The following DRC8 variants were observed in gnomAD, a reference collection of about 807,000 sequenced individuals.
DRC8 encodes dynein regulatory complex protein 8.
At chr1:245,016,525 T>C in the DRC8 span, among the ~76,000 whole-genome samples, 1 of 152,134 alleles carries the variant, frequency 6.6e-6, no homozygotes, top group Admixed American at 6.6e-5. Flanking sequence ...GTTTATTCCT[T>C]CCTCTATTTC....
At chr1:244,992,897 G>A in the DRC8 span, among the ~76,000 whole-genome samples, 2 of 152,142 alleles carry the variant, frequency 1.3e-5, no homozygotes, top group African/African-American at 4.8e-5. Flanking sequence ...AGCTTTACTG[G>A]GTGATTGTGC....
chr1:244,970,000 C>A, the DRC8 span: 4 of 539,406 alleles, frequency 7.4e-6, no homozygotes, highest in Non-Finnish European at 9.8e-6. Context: ...CAACAAAAAT[C>A]GAGCAACGCC....
the DRC8 span, among the ~76,000 whole-genome samples, chr1:245,097,313 G>A: frequency 6.6e-6 from 1 of 152,170 alleles, no homozygotes; most frequent in Admixed American, 6.5e-5. The surrounding 1 kb of genome is among the most constrained non-coding windows in gnomAD (Gnocchi z 5.0). Context: ...TTGAGGTCAG[G>A]AGTTCGAGAC....
chr1:245,017,619 A>G, the DRC8 span, among the ~76,000 whole-genome samples: 1 of 152,240 alleles, frequency 6.6e-6, no homozygotes, highest in Non-Finnish European at 1.5e-5. Context: ...TGCTTGGCAC[A>G]TAGTTGGTAC....
the DRC8 span, among the ~76,000 whole-genome samples, chr1:245,064,183 C>G: frequency 6.6e-6 from 1 of 152,208 alleles, no homozygotes; most frequent in Non-Finnish European, 1.5e-5. Context: ...TCTAAACTCA[C>G]TAGGGCCTAC....
chr1:245,050,477 G>A, the DRC8 span, among the ~76,000 whole-genome samples: 2 of 152,098 alleles, frequency 1.3e-5, no homozygotes, highest in Admixed American at 6.5e-5. Flanking sequence ...TGCTGAGGGG[G>A]TCACTGCTTG....
chr1:245,011,257 G>T, the DRC8 span, among the ~76,000 whole-genome samples: 1 of 152,152 alleles, frequency 6.6e-6, no homozygotes, highest in Non-Finnish European at 1.5e-5. Flanking sequence ...ATGAGGACAA[G>T]CTGGTTGTTT....
chr1:244,995,747 T>C, the DRC8 span, among the ~76,000 whole-genome samples: 1 of 152,246 alleles, frequency 6.6e-6, no homozygotes, highest in South Asian at 2.1e-4. Context: ...GTTTATTTTC[T>C]ACTTTCCATG....
At chr1:245,033,773 G>A in the DRC8 span, among the ~76,000 whole-genome samples, 2 of 151,646 alleles carry the variant, frequency 1.3e-5, no homozygotes, top group African/African-American at 2.4e-5. Flanking sequence ...CCAGGCTGGA[G>A]TGCAGTGGCG....
the DRC8 span, chr1:245,125,112 G>A: frequency 6.6e-6 from 1 of 152,214 alleles, no homozygotes; most frequent in African/African-American, 2.4e-5. Flanking sequence ...TGCCATGTTT[G>A]CTTATCCCTT....
At chr1:245,077,000 C>G in the DRC8 span, among the ~76,000 whole-genome samples, 57 of 152,290 alleles carry the variant, frequency 3.7e-4, no homozygotes, top group African/African-American at 1.3e-3. Context: ...GCTGGGATTA[C>G]AGGCGTGAAA....
chr1:245,068,155 G>A, the DRC8 span, among the ~76,000 whole-genome samples: 3 of 152,160 alleles, frequency 2.0e-5, no homozygotes, highest in East Asian at 1.9e-4. Context: ...GCGGGAAAAC[G>A]TGACCCAGGG....
the DRC8 span, among the ~76,000 whole-genome samples, chr1:245,050,321 A>G: frequency 1.3e-5 from 2 of 151,664 alleles, no homozygotes; most frequent in Non-Finnish European, 2.9e-5. Flanking sequence ...GCTGGTCTCG[A>G]ACTCCTGACC....
At chr1:245,083,410 C>T in the DRC8 span, 2,143 of 1,588,608 alleles carry the variant, frequency 1.3e-3, 23 homozygotes, top group African/African-American at 0.023. Flanking sequence ...GTAAATACCA[C>T]GGCATTTACT....
the DRC8 span, among the ~76,000 whole-genome samples, chr1:244,988,911 T>TTA: frequency 4.6e-5 from 7 of 152,288 alleles, no homozygotes; most frequent in African/African-American, 1.7e-4. Flanking sequence ...ATTTGAGCAG[T>TTA]TATTTATCCT....
chr1:244,999,388 T>G, the DRC8 span, among the ~76,000 whole-genome samples: 6 of 152,196 alleles, frequency 3.9e-5, no homozygotes, highest in Non-Finnish European at 8.8e-5. Flanking sequence ...CCTGTTTCCC[T>G]TTAGCTATCT....
chr1:245,039,539 A>G, the DRC8 span, among the ~76,000 whole-genome samples: 3 of 151,892 alleles, frequency 2.0e-5, no homozygotes, highest in African/African-American at 7.3e-5. Flanking sequence ...CTACACTACA[A>G]TGATCAAAAC....
the DRC8 span, chr1:245,030,757 G>C: frequency 6.6e-6 from 1 of 152,290 alleles, no homozygotes; most frequent in African/African-American, 2.4e-5. Flanking sequence ...TTCTGCACCT[G>C]CCTTCTCTCT....
At chr1:245,034,302 T>C in the DRC8 span, among the ~76,000 whole-genome samples, 7 of 152,092 alleles carry the variant, frequency 4.6e-5, no homozygotes, top group African/African-American at 1.7e-4. Flanking sequence ...AAACTAGATT[T>C]GAAAACAGAA....
Sources: gnomAD v4.1 joint callset for allele counts (sites outside exome capture counted in the v4.1 genomes callset) on GRCh38, gnomAD v4.1.1 for gene constraint, Gnocchi (gnomAD v3.1) non-coding constraint, MANE v1.5 for transcripts, NCBI Gene and HGNC (gene_info 2026-07-23, HGNC 2026-07-21) for gene names.